The following CPSF1 variants were observed in gnomAD, a reference collection of about 807,000 sequenced individuals.
The protein encoded by CPSF1 is cleavage and polyadenylation specificity factor subunit 1.
CPSF1 carries 106 observed loss-of-function variants against 175.8 expected under a neutral mutation model. The ratio of observed to expected loss-of-function variants is 0.60; its 90% confidence interval spans 0.52 to 0.71. The LOEUF (loss-of-function observed/expected upper bound fraction) is 0.71, where lower values mean the gene tolerates loss of function less well. Among genes scored for constraint, CPSF1 ranks in the 30% least tolerant of loss-of-function variants. CPSF1 has a pLI of 0.00. For missense variants in CPSF1, 1,734 were observed against 2,022.9 expected (o/e 0.86, Z 2.74); for synonymous variants, 1,024 against 858.3 (o/e 1.19, Z -3.37).
rs2116884410 is a variant in CPSF1 at position 144,401,424 on chromosome 8, ACT to A, written c.306+4_306+5del. On this transcript the variant is annotated splice_donor_5th_base_variant and intron_variant, in intron 4 of 37. Coordinates refer to ENST00000616140, the MANE Select transcript of CPSF1 (RefSeq NM_013291.3). ...CCAGGCCTACCCCACCAAGCCTACC[ACT>A]CACCTTGGCATCCTTGAAGCTTAGG... 3.7e-6 allele frequency: 6 copies of A among 1,613,596 alleles called. No individual in the cohort carries two copies. The East Asian group carries it at 1.3e-4, about 36-fold the overall frequency.
At chr8:144,408,639 C>T (rs1219239726) in intron 2 of CPSF1, among the ~76,000 whole-genome samples, 2 of 152,248 alleles carry the variant, frequency 1.3e-5, no homozygotes, top group Non-Finnish European at 2.9e-5. Flanking sequence ...GCACTTGCTG[C>T]AGGGGCAGGT....
In CPSF1 at chr8:144,395,528, C is replaced by G; in HGVS notation, c.3003G>C (p.Leu1001=). Residue 1001 remains leucine (L), a synonymous_variant, in exon 27 of 38, where the codon CTG becomes CTC. Coordinates refer to ENST00000616140, the MANE Select transcript of CPSF1 (RefSeq NM_013291.3). The part of the protein sequence containing the change: ...NRQGELRISV[L]PAYLSYDAPW... Reference sequence around the variant, plus strand: ...GGGCATCATAGGACAGGTAGGCAGGCAGGACACTGATCCTCAGCTCGCCCT... The same window carrying G: ...GGGCATCATAGGACAGGTAGGCAGGGAGGACACTGATCCTCAGCTCGCCCT... The G allele has an allele frequency of 6.3e-7, 1 of 1,590,620 alleles. No individual in the cohort carries two copies. Among genetic ancestry groups the G allele is most frequent in the Non-Finnish European group, 8.6e-7 (1 of 1,167,426 alleles).
Position 144,394,171 on chromosome 8 carries a change from G to A in CPSF1, c.3812-11C>T, listed in dbSNP as rs562433649. On this transcript the variant is annotated splice_polypyrimidine_tract_variant and intron_variant, in intron 33 of 37. Coordinates refer to ENST00000616140, the MANE Select transcript of CPSF1 (RefSeq NM_013291.3). ...GGTCGCGGTCAGACACTGGGGAGCAGAGGCCCAGGGTCAGCCCCGGCCACC... is the reference window on the plus strand; with the variant it reads ...GGTCGCGGTCAGACACTGGGGAGCAAAGGCCCAGGGTCAGCCCCGGCCACC... The A allele has an allele frequency of 6.2e-7, 1 of 1,612,682 alleles. No individual in the cohort carries two copies. Among genetic ancestry groups the A allele is most frequent in the South Asian group, 1.1e-5 (1 of 91,052 alleles).
Position 144,394,926 on chromosome 8 carries a change from C to T in CPSF1, c.3370G>A (p.Gly1124Arg), listed in dbSNP as rs1480862279. 7 of 1,612,742 alleles carry T rather than the reference C, an allele frequency of 4.3e-6. No homozygotes were observed. Among genetic ancestry groups the T allele is most frequent in the East Asian group, 2.2e-5 (1 of 44,876 alleles). The change falls in exon 30 of 38, where the codon GGG (glycine) becomes AGG (arginine). Residue 1124 changes from glycine (G) to arginine (R), a missense_variant. Physicochemically the swap from Gly to Arg is moderately radical, Grantham distance 125. This residue lies in a region of CPSF1 where 62 missense variants were observed against 124.5 expected (regional missense o/e 0.50). Transcript: ENST00000616140. ...TCCTCCCCCTGCATGAGGCAGGTCC[C>T]GGCGGCCACGTAGCCTTTGAGGCCC... The part of the protein sequence containing the change: ...VSGLKGYVAA[G>R]TCLMQGEEVT...
intron 31 of CPSF1, 40 bp from the exon 32 acceptor site, chr8:144,394,595 G>A (rs1554862854): frequency 1.9e-6 from 3 of 1,602,692 alleles, no homozygotes; most frequent in Admixed American, 1.7e-5. Flanking sequence ...CGGACGGGGA[G>A]CCGGGTGAGG....
chr8:144,399,806 G>A lies in CPSF1; in HGVS notation c.1094C>T (p.Ala365Val), dbSNP rs1011325103. ...RSVRAFHFDK[A>V]AASVLTTSMV... ...GCTGGTGGTGAGGACGCTGGCGGCC[G>A]CCTTGTCAAAGTGGAACGCTCGGAC... The change falls in exon 11 of 38, where the codon GCG becomes GTG. Residue 365 changes from alanine (A) to valine (V), a missense_variant. This residue lies in a region of CPSF1 where 162 missense variants were observed against 169.5 expected (regional missense o/e 0.96). Transcript: ENST00000616140. The surrounding 1 kb of genome is among the most constrained non-coding windows in gnomAD (Gnocchi z 6.4). 26 of 1,562,088 alleles carry A rather than the reference G, an allele frequency of 1.7e-5. No individual in the cohort carries two copies. The highest frequency in any genetic ancestry group is 2.0e-5 in the Non-Finnish European group (23 of 1,153,756).
intron 2 of CPSF1, among the ~76,000 whole-genome samples, chr8:144,404,369 A>G (rs374790902): frequency 6.6e-6 from 1 of 151,738 alleles, no homozygotes; most frequent in East Asian, 1.9e-4. Context: ...CACTCAGAAG[A>G]ATTTTTTTTT....
Position 144,399,067 on chromosome 8 carries a change from G to GGCCCC in CPSF1, c.1468-30_1468-29insGGGGC. 3 of 1,549,922 alleles carry GGCCCC rather than the reference G, an allele frequency of 1.9e-6. No individual in the cohort carries two copies. The highest frequency in any genetic ancestry group is 2.6e-6 in the Non-Finnish European group (3 of 1,145,640). On this transcript the variant is annotated intron_variant, in intron 15 of 37. Coordinates refer to ENST00000616140, the MANE Select transcript of CPSF1 (RefSeq NM_013291.3). The surrounding 1 kb of genome is among the most constrained non-coding windows in gnomAD (Gnocchi z 6.4). The stretch of plus-strand genomic sequence containing the variant: ...CACAGGACTCGGGGGTGAGGACTAT[G>GGCCCC]CCCCCCACCCCCCCTCACACTCCAG...
Position 144,395,631 on chromosome 8 carries a change from T to C in CPSF1, c.2980-80A>G, listed in dbSNP as rs1820678229. On this transcript the variant is annotated intron_variant, in intron 26 of 37. Transcript: ENST00000616140. ...GGCAGGCCCAGGCCGCCAAGAGCCC[T>C]GGGATGTTGCCCTCAGCTCTGTGGG... The C allele has an allele frequency of 6.5e-6, 8 of 1,231,158 alleles. 2 individuals are homozygous for C. The South Asian group carries it at 8.0e-5, about 12-fold the overall frequency. 76.3% of individuals were successfully genotyped at this position (1,231,158 alleles called of 1,614,324 possible).
rs1225504175 is a variant in CPSF1 at position 144,394,932 on chromosome 8, C to T, written c.3364G>A (p.Ala1122Thr). Reference protein sequence around the residue: ...ETVSGLKGYVAAGTCLMQGEE... With the variant: ...ETVSGLKGYVTAGTCLMQGEE... ...CCCTGCATGAGGCAGGTCCCGGCGGCCACGTAGCCTTTGAGGCCCGACACG... is the reference window on the plus strand; with the variant it reads ...CCCTGCATGAGGCAGGTCCCGGCGGTCACGTAGCCTTTGAGGCCCGACACG... The change falls in exon 30 of 38, where the codon GCC (alanine) becomes ACC (threonine). Residue 1122 changes from alanine (A) to threonine (T), a missense_variant. Around this residue, in one of 10 missense-constraint regions of CPSF1, gnomAD observed 585 missense variants for 584.7 expected, o/e 1.00. Coordinates refer to ENST00000616140, the MANE Select transcript of CPSF1 (RefSeq NM_013291.3). 3 of 1,612,698 alleles carry T rather than the reference C, an allele frequency of 1.9e-6. No individual in the cohort carries two copies. The East Asian group carries it at 6.7e-5, about 36-fold the overall frequency.
In CPSF1 at chr8:144,393,485, C is replaced by T. The variant is rs2130745110; in HGVS notation, c.4251G>A (p.Glu1417=). 4 of 1,569,006 alleles carry T rather than the reference C, an allele frequency of 2.5e-6. No individual in the cohort carries two copies. The highest frequency in any genetic ancestry group is 2.6e-6 in the Non-Finnish European group (3 of 1,158,320). The part of the protein sequence containing the change: ...YLYLSTMERS[E]LAKKIGTTPD... The stretch of plus-strand genomic sequence containing the variant: ...GTGTGGTGCCGATCTTCTTGGCTAG[C>T]TCGCTGCGCTCCATGGTGCTCAGGT... The change falls in exon 37 of 38, where the codon GAG becomes GAA. Residue 1417 remains glutamate, a synonymous_variant. Transcript: ENST00000616140.
chr8:144,396,710 T>G lies in CPSF1; in HGVS notation c.2714A>C (p.Lys905Thr). Residue 905 changes from lysine to threonine, a missense_variant, in exon 25 of 38, where the codon AAG (lysine) becomes ACG (threonine). Physicochemically the swap from Lys to Thr is moderately conservative, Grantham distance 78. Coordinates refer to ENST00000616140, the MANE Select transcript of CPSF1 (RefSeq NM_013291.3). ...VPHNINFREK[K>T]PKPSKKKAEG... ...TGCTTTCTTCTTGGATGGCTTTGGC[T>G]TCTTCTCACGGAAGTTGATGTTGTG... The G allele has an allele frequency of 1.2e-6, 2 of 1,613,938 alleles. No individual in the cohort carries two copies. The highest frequency in any genetic ancestry group is 1.7e-6 in the Non-Finnish European group (2 of 1,180,004).
intron 21 of CPSF1, 32 bp downstream of exon 21, chr8:144,397,711 A>G: frequency 6.3e-6 from 10 of 1,581,494 alleles, no homozygotes; most frequent in South Asian, 1.1e-5. Context: ...CAGGGACCCA[A>G]GCCCCTACCT....
At position 144,398,360 on chromosome 8, in the gene CPSF1, G is replaced by A. The variant is rs2116849199; in HGVS notation, c.1836C>T (p.Ile612=). ...CTTGGACAATGTAGCGGTTGTCCCC[G>A]ATGTTCCCAGCAAAGACCGTGGGGC... ...TQGPTVFAGN[I]GDNRYIVQVS... The change falls in exon 19 of 38, where the codon ATC becomes ATT. Residue 612 remains isoleucine, a synonymous_variant. Transcript: ENST00000616140. 9.4e-5 allele frequency: 149 copies of A among 1,580,520 alleles called. 3 individuals are homozygous for A. The South Asian group carries it at 1.4e-3, about 15-fold the overall frequency.
intron 25 of CPSF1, 35 bp from the exon 26 acceptor site, chr8:144,396,535 GGATGCTGCGGAT>G: frequency 6.2e-7 from 1 of 1,608,916 alleles, no homozygotes; most frequent in Non-Finnish European, 8.5e-7. Context: ...CTGTGGATGA[GGATGCTGCGGAT>G]GAGGCCGCGT....
chr8:144,403,379 C>T (rs2116894692), intron 2 of CPSF1, among the ~76,000 whole-genome samples: 1 of 152,040 alleles, frequency 6.6e-6, no homozygotes, highest in Non-Finnish European at 1.5e-5. Context: ...CAGGCATGAG[C>T]CACCACGCCA....
intron 2 of CPSF1, 138 bp from the exon 3 acceptor site, chr8:144,401,811 G>A: frequency 1.1e-6 from 1 of 903,792 alleles, no homozygotes; most frequent in East Asian, 2.7e-5. Flanking sequence ...CAGGGAGAAG[G>A]GCTTCTGGAG....
At chr8:144,400,135 G>GGGGGGGCGGCCCCCCCCCCCCCCCCCCCC in intron 9 of CPSF1, 31 bp downstream of exon 9, 1 of 896,012 alleles carries the variant, frequency 1.1e-6, no homozygotes, top group Non-Finnish European at 1.6e-6. Flanking sequence ...CCGTCCCCGG[G>GGGGGGGCGGCCCCCCCCCCCCCCCCCCCC]CCCCCCCCGC....
At position 144,394,022 on chromosome 8, in the gene CPSF1, C is replaced by T; in HGVS notation, c.3876G>A (p.Gly1292=). 1 of 1,612,042 alleles carries T rather than the reference C, an allele frequency of 6.2e-7. No homozygotes were observed. Among genetic ancestry groups the T allele is most frequent in the Middle Eastern group, 1.7e-4 (1 of 6,056 alleles). Residue 1292 remains glycine (G), a synonymous_variant, in exon 35 of 38, where the codon GGG becomes GGA. Transcript: ENST00000616140. ...MYLPEAKESF[G]GMRLLRRADF... ...CTGCCCGACGCAGCAGGCGCATGCC[C>T]CCGAAACTCTCCTTGGCTAGACCAG... is the stretch of plus-strand genomic sequence containing the variant.
Sources: allele counts gnomAD v4.1 joint callset (sites outside exome capture counted in the v4.1 genomes callset), GRCh38; gene constraint gnomAD v4.1.1; regional missense constraint gnomAD v4.1.1; non-coding constraint Gnocchi (gnomAD v3.1); transcripts MANE v1.5; gene names NCBI Gene and HGNC (gene_info 2026-07-23, HGNC 2026-07-21).